The following TMX3 variants were observed in gnomAD, a reference collection of about 807,000 sequenced individuals.
TMX3 encodes protein disulfide-isomerase TMX3.
Under a neutral mutation model 64.4 loss-of-function variants are expected in TMX3, and 40 were observed. The ratio of observed to expected loss-of-function variants is 0.62; its 90% confidence interval spans 0.48 to 0.81. The LOEUF is 0.81. Ranked by LOEUF, TMX3 falls within the 30% of genes least tolerant of loss-of-function variation. The probability of loss-of-function intolerance (pLI) is 0.00; values close to 1 mark genes in which losing one functional copy is unlikely to be tolerated. For synonymous variants in TMX3, 189 were observed against 175.7 expected (o/e 1.08, Z -0.60); for missense variants, 497 against 534.5 (o/e 0.93, Z 0.69).
At chr18:68,685,462 C>T (rs955733946) in intron 10 of TMX3, among the ~76,000 whole-genome samples, 1 of 152,152 alleles carries the variant, frequency 6.6e-6, no homozygotes, top group Non-Finnish European at 1.5e-5. Flanking sequence ...CCTGAAATAT[C>T]TCGTTTGCTA....
chr18:68,708,596 A>T (rs1481721924), intron 4 of TMX3, among the ~76,000 whole-genome samples: 1 of 152,142 alleles, frequency 6.6e-6, no homozygotes, highest in Non-Finnish European at 1.5e-5. Context: ...CAACACCAGG[A>T]TATATACACA....
At chr18:68,694,194 G>A (rs590074) in intron 8 of TMX3, among the ~76,000 whole-genome samples, 2 of 152,156 alleles carry the variant, frequency 1.3e-5, no homozygotes, top group Non-Finnish European at 2.9e-5. Flanking sequence ...CCATGTTGCA[G>A]GTGACAAGAA....
chr18:68,684,150 A>G lies in TMX3; in HGVS notation c.848+40T>C, dbSNP rs755547197. On this transcript the variant is annotated intron_variant, in intron 12 of 15. Coordinates refer to ENST00000299608, the MANE Select transcript of TMX3 (RefSeq NM_019022.5). ...CTTTACTAAATTACAAAATGGTATTAAACAAAAATAAAGGAATCTCTCAGA... is the reference window on the plus strand; with the variant it reads ...CTTTACTAAATTACAAAATGGTATTGAACAAAAATAAAGGAATCTCTCAGA... 6.8e-6 allele frequency: 10 copies of G among 1,476,194 alleles called. No homozygotes were observed. The South Asian group carries it at 1.2e-4, about 18-fold the overall frequency. 91.4% of individuals were successfully genotyped at this position (1,476,194 alleles called of 1,614,324 possible). A position where few individuals can be genotyped will look rare whatever the true frequency, so the allele number is the denominator to read the frequency against.
intron 4 of TMX3, among the ~76,000 whole-genome samples, chr18:68,703,173 A>G (rs975315207): frequency 1.3e-5 from 2 of 152,182 alleles, no homozygotes; most frequent in Non-Finnish European, 2.9e-5. Flanking sequence ...GATTATGTGA[A>G]TAACGAATAT....
Position 68,681,076 on chromosome 18 carries a change from T to C in TMX3, c.940A>G (p.Thr314Ala). The change falls in exon 14 of 16, where the codon ACT becomes GCT. Residue 314 changes from threonine to alanine, a missense_variant. Around this residue, in one of 3 missense-constraint regions of TMX3, gnomAD observed 360 missense variants for 383.5 expected, o/e 0.94. Coordinates refer to ENST00000299608, the MANE Select transcript of TMX3 (RefSeq NM_019022.5). ...AGCAAGAAATATTGCTGGTTTGAAGTATTCAGTACAACTACAGTTGGGACT... is the reference window on the plus strand; with the variant it reads ...AGCAAGAAATATTGCTGGTTTGAAGCATTCAGTACAACTACAGTTGGGACT... ...LTVPTVVVLN[T>A]SNQQYFLLDR... The C allele has an allele frequency of 6.3e-7, 1 of 1,598,512 alleles. No homozygotes were observed. The highest frequency in any genetic ancestry group is 8.5e-7 in the Non-Finnish European group (1 of 1,173,342).
chr18:68,696,467 C>A (rs1224341359), intron 8 of TMX3, among the ~76,000 whole-genome samples: 1 of 147,792 alleles, frequency 6.8e-6, no homozygotes, highest in African/African-American at 2.5e-5. Context: ...CCACTGGGCC[C>A]GGCCTTAATT....
intron 6 of TMX3, among the ~76,000 whole-genome samples, chr18:68,698,474 T>C (rs147637440): frequency 6.6e-6 from 1 of 152,312 alleles, no homozygotes; most frequent in East Asian, 1.9e-4. Flanking sequence ...ATTTGTATCT[T>C]ACTATGTCAA....
At chr18:68,681,295 TTTTAA>T (rs1415312267) in intron 13 of TMX3, 185 bp from the exon 14 acceptor site, 11 of 579,880 alleles carry the variant, frequency 1.9e-5, no homozygotes, top group Admixed American at 4.7e-5. Flanking sequence ...TGACATACCT[TTTTAA>T]TTTGTTTGAT....
chr18:68,700,843 A>G (rs1008597939), intron 5 of TMX3: 13 of 984,996 alleles, frequency 1.3e-5, no homozygotes, highest in Non-Finnish European at 1.6e-5. Flanking sequence ...ATGAAAGGAC[A>G]GGGAAATAAG....
intron 5 of TMX3, 99 bp downstream of exon 5, chr18:68,701,646 C>G: frequency 6.4e-7 from 1 of 1,567,868 alleles, no homozygotes; most frequent in Non-Finnish European, 8.7e-7. Flanking sequence ...AAACCCCAAT[C>G]TTCAATCCTC....
chr18:68,693,783 T>C (rs1438071463), intron 8 of TMX3, among the ~76,000 whole-genome samples: 1 of 152,042 alleles, frequency 6.6e-6, no homozygotes, highest in African/African-American at 2.4e-5. Flanking sequence ...AGGGAAGGCC[T>C]GAAGCCTGGG....
At chr18:68,687,605 A>T in intron 10 of TMX3, 62 bp downstream of exon 10, 1 of 1,546,238 alleles carries the variant, frequency 6.5e-7, no homozygotes, top group South Asian at 1.3e-5. Flanking sequence ...ACAAAATAAG[A>T]TTTTTAAATA....
rs369863409 is a variant in TMX3, at chr18:68,700,387, C to G, written c.392+18G>C. 7.4e-6 allele frequency: 11 copies of G among 1,486,992 alleles called. No homozygotes were observed. The highest frequency in any genetic ancestry group is 1.0e-5 in the Non-Finnish European group (11 of 1,096,224). The allele number at this position is 1,486,992 out of a possible 1,614,324, so 92.1% of individuals were successfully genotyped here. On this transcript the variant is annotated intron_variant, in intron 6 of 15. Transcript: ENST00000299608. ...AAATATTAATAACATACAGTAAAGG[C>G]CTTTCCTAATAACTTACCCAGATAC... is the stretch of plus-strand genomic sequence containing the variant.
chr18:68,703,558 C>A (rs548210510), intron 4 of TMX3, among the ~76,000 whole-genome samples: 1 of 152,268 alleles, frequency 6.6e-6, no homozygotes, highest in Non-Finnish European at 1.5e-5. Flanking sequence ...CAACCCACAT[C>A]CCTTGGCTTC....
At chr18:68,702,321 A>C (rs918839443) in intron 4 of TMX3, among the ~76,000 whole-genome samples, 1 of 151,942 alleles carries the variant, frequency 6.6e-6, no homozygotes, top group Non-Finnish European at 1.5e-5. Flanking sequence ...TCGAAAAGCA[A>C]CTTTGTTTTA....
chr18:68,676,275 C>A lies in TMX3; in HGVS notation c.*658G>T, dbSNP rs746037888. ...TACTCAGTAAATCCTGTTTATTTTGCGAAAGTCAATCACAAGACTTTTTTT... is the reference window on the plus strand; with the variant it reads ...TACTCAGTAAATCCTGTTTATTTTGAGAAAGTCAATCACAAGACTTTTTTT... On this transcript the variant is annotated 3_prime_UTR_variant, in exon 16 of 16. Transcript: ENST00000299608. 1 of 151,984 alleles carries A rather than the reference C, an allele frequency of 6.6e-6. No individual in the cohort carries two copies. The highest frequency in any genetic ancestry group is 1.5e-5 in the Non-Finnish European group (1 of 68,014). The allele number at this position is 151,984 out of a possible 1,614,324, so 9.4% of individuals were successfully genotyped here. A position where few individuals can be genotyped will look rare whatever the true frequency, so the allele number is the denominator to read the frequency against.
chr18:68,713,955 G>A (rs1443940502), intron 1 of TMX3, 55 bp from the exon 2 acceptor site: 7 of 1,284,172 alleles, frequency 5.5e-6, no homozygotes, highest in South Asian at 1.4e-5. Context: ...GGCTCATACC[G>A]TATAAGCTTA....
At chr18:68,696,327 C>T (rs1442119137) in intron 8 of TMX3, among the ~76,000 whole-genome samples, 2 of 152,078 alleles carry the variant, frequency 1.3e-5, no homozygotes, top group African/African-American at 4.8e-5. Flanking sequence ...GCGTGCGCCA[C>T]CACACCCAGC....
intron 13 of TMX3, among the ~76,000 whole-genome samples, chr18:68,682,445 T>C (rs759514029): frequency 1.3e-5 from 2 of 152,204 alleles, no homozygotes; most frequent in Non-Finnish European, 2.9e-5. Flanking sequence ...CAATTCGTTT[T>C]TGAATGCTAA....
Sources: allele counts gnomAD v4.1 joint callset (sites outside exome capture counted in the v4.1 genomes callset), GRCh38; gene constraint gnomAD v4.1.1; regional missense constraint gnomAD v4.1.1; transcripts MANE v1.5; gene names NCBI Gene and HGNC (gene_info 2026-07-23, HGNC 2026-07-21).